Variants in UBAC2 observed in about 807,000 individuals in gnomAD.
The protein encoded by UBAC2 is ubiquitin-associated domain-containing protein 2.
In UBAC2, 26 loss-of-function variants were observed where a neutral mutation model predicts 44.0. That is an observed-to-expected ratio of 0.59 (90% confidence interval 0.43 to 0.82). The LOEUF is 0.82. Ranked by LOEUF, UBAC2 falls within the 40% of genes least tolerant of loss-of-function variation. UBAC2 has a pLI of 0.00. For synonymous variants in UBAC2, 155 were observed against 154.3 expected (o/e 1.00, Z -0.04); for missense variants, 329 against 419.4 (o/e 0.78, Z 1.88).
chr13:99,334,165 T>C (rs1322764112), intron 6 of UBAC2, among the ~76,000 whole-genome samples: 1 of 152,172 alleles, frequency 6.6e-6, no homozygotes, highest in Non-Finnish European at 1.5e-5. Flanking sequence ...CTTGCTCTGT[T>C]GCCCAGGCTG....
intron 8 of UBAC2, among the ~76,000 whole-genome samples, chr13:99,379,019 C>T (rs2045517515): frequency 6.6e-6 from 1 of 152,174 alleles, no homozygotes; most frequent in South Asian, 2.1e-4. Context: ...AGTCATCATC[C>T]AGCCCAGCTT....
chr13:99,262,238 T>C (rs996553840), intron 4 of UBAC2, among the ~76,000 whole-genome samples: 1 of 152,230 alleles, frequency 6.6e-6, no homozygotes, highest in African/African-American at 2.4e-5. Context: ...GCCTAATGTA[T>C]AAGTTAAACT....
chr13:99,229,427 G>A (rs1481266771), intron 1 of UBAC2, among the ~76,000 whole-genome samples: 1 of 152,214 alleles, frequency 6.6e-6, no homozygotes, highest in Non-Finnish European at 1.5e-5. Flanking sequence ...AGTGAGCTGT[G>A]CGGTTTGATT....
At chr13:99,220,993 C>G (rs996766498) in intron 1 of UBAC2, among the ~76,000 whole-genome samples, 2 of 151,748 alleles carry the variant, frequency 1.3e-5, no homozygotes, top group African/African-American at 4.8e-5. Flanking sequence ...TATAATAATA[C>G]CACTAGAATA....
chr13:99,340,025 A>T (rs761444270), intron 6 of UBAC2, among the ~76,000 whole-genome samples: 1 of 152,228 alleles, frequency 6.6e-6, no homozygotes, highest in East Asian at 1.9e-4. Context: ...CTTTTTAAAA[A>T]ATGAAGACAG....
At chr13:99,380,996 AC>A (rs768391786) in intron 8 of UBAC2, among the ~76,000 whole-genome samples, 6 of 152,166 alleles carry the variant, frequency 3.9e-5, no homozygotes, top group Admixed American at 6.5e-5. Flanking sequence ...TTCTGCCAAG[AC>A]CTGTGAAAAG....
At chr13:99,242,390 C>G (rs112002792) in intron 2 of UBAC2, among the ~76,000 whole-genome samples, 16,141 of 136,202 alleles carry the variant, frequency 0.12, 634 homozygotes, top group East Asian at 0.26. Context: ...CTCCTCACTT[C>G]CCAGTAGGGG....
At chr13:99,332,250 G>A (rs1036597263) in intron 6 of UBAC2, among the ~76,000 whole-genome samples, 1 of 152,134 alleles carries the variant, frequency 6.6e-6, no homozygotes, top group African/African-American at 2.4e-5. Flanking sequence ...TGTGGTTTCA[G>A]GCTAGTACTA....
intron 1 of UBAC2, among the ~76,000 whole-genome samples, chr13:99,211,249 T>G (rs1431866914): frequency 6.6e-6 from 1 of 152,218 alleles, no homozygotes; most frequent in Non-Finnish European, 1.5e-5. Flanking sequence ...AGAAAATGAT[T>G]TGTCGAAGAC....
chr13:99,204,559 G>T (rs1225458518), intron 1 of UBAC2, among the ~76,000 whole-genome samples: 2 of 152,274 alleles, frequency 1.3e-5, no homozygotes, highest in Admixed American at 6.5e-5. Context: ...AGGTGCCAGG[G>T]AAGAAAACTG....
At chr13:99,384,159 G>A (rs1405784216) in intron 8 of UBAC2, among the ~76,000 whole-genome samples, 1 of 152,156 alleles carries the variant, frequency 6.6e-6, no homozygotes, top group Non-Finnish European at 1.5e-5. Context: ...CCACCATGTA[G>A]CACCAAGTAG....
chr13:99,275,014 A>G lies in UBAC2; in HGVS notation c.389+30390A>G, dbSNP rs530739823. The stretch of plus-strand genomic sequence containing the variant: ...ATTATAGATGTGAGCCACTGCATGC[A>G]GCTTGAATGTCTTTGAACATGTCTT... On this transcript the variant is annotated intron_variant, in intron 4 of 8. Transcript: ENST00000403766. Among the ~76,000 whole-genome samples, 5 of 152,304 alleles carry G rather than the reference A, an allele frequency of 3.3e-5. No individual in the cohort carries two copies. In the South Asian group the frequency reaches 1.0e-3, roughly 32 times the overall value.
intron 7 of UBAC2, among the ~76,000 whole-genome samples, chr13:99,357,389 T>G (rs188316249): frequency 4.5e-4 from 69 of 152,336 alleles, no homozygotes; most frequent in African/African-American, 1.4e-3. Context: ...CCTGAAGTGC[T>G]TCTTGTTTAG....
intron 6 of UBAC2, among the ~76,000 whole-genome samples, chr13:99,327,685 G>C (rs879257968): frequency 2.0e-5 from 3 of 152,186 alleles, no homozygotes; most frequent in Non-Finnish European, 4.4e-5. Flanking sequence ...ATTGATAGCT[G>C]AGAACATTTT....
intron 7 of UBAC2, among the ~76,000 whole-genome samples, chr13:99,361,333 T>C (rs1351880893): frequency 6.6e-6 from 1 of 152,238 alleles, no homozygotes; most frequent in Non-Finnish European, 1.5e-5. Flanking sequence ...GAGGCTCATA[T>C]TTAACCCTAC....
intron 1 of UBAC2, 97 bp downstream of exon 1, chr13:99,201,036 G>A (rs2042788764): frequency 1.5e-6 from 2 of 1,296,642 alleles, no homozygotes; most frequent in African/African-American, 1.5e-5. Context: ...GGGTTTGCCG[G>A]AGGTGGTGGG....
intron 8 of UBAC2, chr13:99,376,837 G>A (rs908656721): frequency 4.6e-5 from 7 of 152,200 alleles, no homozygotes; most frequent in Non-Finnish European, 7.3e-5. Context: ...GAAGGTACTC[G>A]CTGTGCTCTG....
At chr13:99,251,913 C>T (rs2043462655) in intron 4 of UBAC2, among the ~76,000 whole-genome samples, 2 of 152,134 alleles carry the variant, frequency 1.3e-5, no homozygotes, top group East Asian at 3.9e-4. Context: ...TAGGAGCAAG[C>T]GTATACCCCT....
At chr13:99,239,414 G>A (rs770671900) in intron 2 of UBAC2, among the ~76,000 whole-genome samples, 6 of 152,172 alleles carry the variant, frequency 3.9e-5, no homozygotes, top group Non-Finnish European at 8.8e-5. Flanking sequence ...CTATACTTAC[G>A]TGAAGGTATA....
Sources: allele counts gnomAD v4.1 joint callset (sites outside exome capture counted in the v4.1 genomes callset), GRCh38; gene constraint gnomAD v4.1.1; transcripts MANE v1.5; gene names NCBI Gene and HGNC (gene_info 2026-07-23, HGNC 2026-07-21).